DNAH11: variants seen among roughly 807,000 people sequenced by gnomAD.
DNAH11 encodes axonemal beta dynein heavy chain 11.
DNAH11 carries 442 observed loss-of-function variants against 526.0 expected under a neutral mutation model. The observed-to-expected ratio is 0.84, with a 90% CI of 0.78 to 0.91. The LOEUF (loss-of-function observed/expected upper bound fraction) is 0.91, where lower values mean the gene tolerates loss of function less well. DNAH11 is among the 40% of genes least tolerant of loss of function. DNAH11 has a pLI of 0.00. For synonymous variants in DNAH11, 2,461 were observed against 1,935.9 expected (o/e 1.27, Z -7.12); for missense variants, 6,989 against 5,448.7 (o/e 1.28, Z -8.90).
chr7:21,878,999 C>T (rs1297176485), intron 74 of DNAH11, among the ~76,000 whole-genome samples: 1 of 152,208 alleles, frequency 6.6e-6, no homozygotes, highest in Non-Finnish European at 1.5e-5. Flanking sequence ...ACTTCCTTTC[C>T]TTGCCTCACA....
chr7:21,679,839 G>C (rs1783064919), intron 30 of DNAH11, among the ~76,000 whole-genome samples: 1 of 152,124 alleles, frequency 6.6e-6, no homozygotes, highest in Non-Finnish European at 1.5e-5. Flanking sequence ...CATCTGCAAA[G>C]TTCGGATACA....
In DNAH11 at chr7:21,619,132, G is replaced by T. The variant is rs769836332; in HGVS notation, c.4287G>T (p.Leu1429Phe). 1 of 1,613,478 alleles carries T rather than the reference G, an allele frequency of 6.2e-7. No homozygotes were observed. Among genetic ancestry groups the T allele is most frequent in the Non-Finnish European group, 8.5e-7 (1 of 1,179,716 alleles). Residue 1429 changes from leucine (L) to phenylalanine (F), a missense_variant, in exon 24 of 82, where the codon TTG (leucine) becomes TTT (phenylalanine). By Grantham distance (22) the Leu-to-Phe change is conservative. Coordinates refer to ENST00000409508, the MANE Select transcript of DNAH11 (RefSeq NM_001277115.2). ...TTTTAATAAATGAAGCCACAACTTT[G>T]GCAGATTTGTTAGCACTGCGGTTAC... The part of the protein sequence containing the change: ...VKFLINEATT[L>F]ADLLALRLHR...
intron 39 of DNAH11, among the ~76,000 whole-genome samples, chr7:21,707,158 C>G (rs953727371): frequency 6.6e-6 from 1 of 152,180 alleles, no homozygotes; most frequent in African/African-American, 2.4e-5. Context: ...AACCACTGCC[C>G]TAAGTCTCTA....
In DNAH11 at chr7:21,818,380, T is replaced by G. The variant is rs529056177; in HGVS notation, c.10691+41T>G. Reference sequence around the variant, plus strand: ...TTTTTAACATATATATCTTGCTAAATGATTTTCAGCAGCAGCATCTCTTAG... The same window carrying G: ...TTTTTAACATATATATCTTGCTAAAGGATTTTCAGCAGCAGCATCTCTTAG... On this transcript the variant is annotated intron_variant, in intron 65 of 81. Coordinates refer to ENST00000409508, the MANE Select transcript of DNAH11 (RefSeq NM_001277115.2). The G allele has an allele frequency of 1.9e-6, 3 of 1,582,560 alleles. No individual in the cohort carries two copies. In the Admixed American group the frequency reaches 5.6e-5, roughly 29 times the overall value.
intron 28 of DNAH11, among the ~76,000 whole-genome samples, chr7:21,647,779 A>G (rs1300809123): frequency 6.6e-6 from 1 of 152,156 alleles, no homozygotes; most frequent in African/African-American, 2.4e-5. Flanking sequence ...AAACACCTGT[A>G]ACTCTAAAAT....
rs1788963961 is a variant in DNAH11, at chr7:21,801,030, G to A, written c.10027-107G>A. On this transcript the variant is annotated intron_variant, in intron 61 of 81. Transcript: ENST00000409508. ...TGGTAAAGGGGCAAAGGTTAATGGGGGGAAGAGGTTTGTCCATTTACCTTA... is the reference window on the plus strand; with the variant it reads ...TGGTAAAGGGGCAAAGGTTAATGGGAGGAAGAGGTTTGTCCATTTACCTTA... The A allele has an allele frequency of 6.0e-6, 7 of 1,172,302 alleles. No individual in the cohort carries two copies. The Admixed American group carries it at 1.4e-4, about 23-fold the overall frequency. 72.6% of individuals were successfully genotyped at this position (1,172,302 alleles called of 1,614,324 possible). A position where few individuals can be genotyped will look rare whatever the true frequency, so the allele number is the denominator to read the frequency against.
intron 81 of DNAH11, among the ~76,000 whole-genome samples, chr7:21,900,701 G>A (rs1784761382): frequency 6.6e-6 from 1 of 152,088 alleles, no homozygotes; most frequent in Non-Finnish European, 1.5e-5. Flanking sequence ...GTGAACTGGA[G>A]ATTTTTAAAG....
intron 73 of DNAH11, among the ~76,000 whole-genome samples, chr7:21,872,113 G>C (rs1783517034): frequency 6.5e-5 from 1 of 15,358 alleles, no homozygotes; most frequent in Non-Finnish European, 2.3e-4. Context: ...GACAGAGCGA[G>C]ACTCTGTCTC....
At chr7:21,860,367 C>G (rs7789323) in intron 68 of DNAH11, among the ~76,000 whole-genome samples, 14,591 of 151,898 alleles carry the variant, frequency 0.096, 2,016 homozygotes, top group African/African-American at 0.29. Flanking sequence ...GGCACAGCCA[C>G]TATGGAAAAC....
intron 54 of DNAH11, among the ~76,000 whole-genome samples, chr7:21,762,516 T>C (rs759347591): frequency 1.3e-5 from 2 of 152,180 alleles, no homozygotes; most frequent in Non-Finnish European, 2.9e-5. Context: ...AGGAGAAATA[T>C]TCAAGTATAA....
chr7:21,793,653 T>G (rs1788573248), intron 61 of DNAH11, among the ~76,000 whole-genome samples: 1 of 151,984 alleles, frequency 6.6e-6, no homozygotes, highest in South Asian at 2.1e-4. Context: ...CTGCAGCTGT[T>G]AGATGAAATG....
At chr7:21,698,531 A>G (rs917430401) in intron 36 of DNAH11, among the ~76,000 whole-genome samples, 6 of 152,094 alleles carry the variant, frequency 3.9e-5, no homozygotes, top group Non-Finnish European at 8.8e-5. Flanking sequence ...TTGCATCCTC[A>G]TAGCTTAGCT....
chr7:21,735,747 A>T lies in DNAH11; in HGVS notation c.7548A>T (p.Lys2516Asn). The change falls in exon 46 of 82, where the codon AAA becomes AAT. Residue 2516 changes from lysine to asparagine, a missense_variant. By Grantham distance (94) the Lys-to-Asn change is moderately conservative. Transcript: ENST00000409508. ...LMLVGNAGVGKTVFVGDTLAS... is the reference protein window; with the variant it reads ...LMLVGNAGVGNTVFVGDTLAS... ...TAGTAGGAAATGCAGGAGTGGGAAA[A>T]ACAGTCTTTGTAGGTGACACATTGG... The T allele has an allele frequency of 1.9e-6, 3 of 1,614,002 alleles. No individual in the cohort carries two copies. The highest frequency in any genetic ancestry group is 2.5e-6 in the Non-Finnish European group (3 of 1,179,880).
At chr7:21,687,067 A>G (rs981663367) in intron 32 of DNAH11, 32 bp from the exon 33 acceptor site, 4 of 1,591,302 alleles carry the variant, frequency 2.5e-6, no homozygotes, top group Non-Finnish European at 1.7e-6. Context: ...CTCATATTAG[A>G]CTGTGATGTT....
chr7:21,721,611 A>G (rs1359106356), intron 44 of DNAH11, among the ~76,000 whole-genome samples: 1 of 152,140 alleles, frequency 6.6e-6, no homozygotes, highest in Non-Finnish European at 1.5e-5. Flanking sequence ...TGACAGAGAG[A>G]GAAAGACATA....
At chr7:21,848,334 A>ATC (rs145963018) in intron 66 of DNAH11, among the ~76,000 whole-genome samples, 12,098 of 148,750 alleles carry the variant, frequency 0.081, 602 homozygotes, top group East Asian at 0.24. Context: ...ATCTTTCTCC[A>ATC]TCTCTCTCTC....
At chr7:21,620,502 T>G (rs1349031831) in intron 25 of DNAH11, among the ~76,000 whole-genome samples, 1 of 152,138 alleles carries the variant, frequency 6.6e-6, no homozygotes, top group Non-Finnish European at 1.5e-5. Flanking sequence ...CCTGGCTTAT[T>G]TTGCTTAGCA....
chr7:21,765,312 G>A, intron 54 of DNAH11, 116 bp from the exon 55 acceptor site: 1 of 1,447,184 alleles, frequency 6.9e-7, no homozygotes, highest in African/African-American at 1.4e-5. Flanking sequence ...TAGGGCTTTA[G>A]GGTAGTTTAA....
At chr7:21,863,784 A>G (rs1041985890) in intron 69 of DNAH11, among the ~76,000 whole-genome samples, 18 of 152,236 alleles carry the variant, frequency 1.2e-4, no homozygotes, top group Non-Finnish European at 2.1e-4. Context: ...ACGTTTGTTG[A>G]AATAAACTCA....
Sources: allele counts gnomAD v4.1 joint callset (sites outside exome capture counted in the v4.1 genomes callset), GRCh38; gene constraint gnomAD v4.1.1; transcripts MANE v1.5; gene names NCBI Gene and HGNC (gene_info 2026-07-23, HGNC 2026-07-21).